TAB1: variants seen among roughly 807,000 people sequenced by gnomAD.
The protein encoded by TAB1 is TGF-beta activated kinase 1 (MAP3K7) binding protein 1, also known as TGF-beta-activated kinase 1 and MAP3K7-binding protein 1.
A neutral mutation model predicts 54.5 loss-of-function variants in TAB1; 30 were observed. That is an observed-to-expected ratio of 0.55 (90% CI 0.41 to 0.75). TAB1 has a LOEUF of 0.75. TAB1 is among the 30% of genes least tolerant of loss of function. The pLI is 0.00. For synonymous variants in TAB1, 289 were observed against 286.9 expected (o/e 1.01, Z -0.07); for missense variants, 609 against 683.2 (o/e 0.89, Z 1.21).
At chr22:39,413,661 A>G (rs145479935) in intron 1 of TAB1, among the ~76,000 whole-genome samples, 1 of 152,150 alleles carries the variant, frequency 6.6e-6, no homozygotes, top group Non-Finnish European at 1.5e-5. Context: ...CTGACATCAA[A>G]TGGTCCACCC....
intron 10 of TAB1, 28 bp from the exon 11 acceptor site, chr22:39,429,987 A>T (rs779703476): frequency 8.7e-6 from 14 of 1,609,954 alleles, no homozygotes; most frequent in Middle Eastern, 2.2e-4. Flanking sequence ...GCTGCTTCTG[A>T]TTGACTCCCT....
chr22:39,419,558 G>A lies in TAB1; in HGVS notation c.704G>A (p.Cys235Tyr). The A allele has an allele frequency of 1.2e-6, 2 of 1,613,134 alleles. No individual in the cohort carries two copies. Among genetic ancestry groups the A allele is most frequent in the South Asian group, 2.2e-5 (2 of 90,932 alleles). Residue 235 changes from cysteine (C) to tyrosine (Y), a missense_variant, in exon 7 of 11, where the codon TGT becomes TAT. Physicochemically the swap from Cys to Tyr is radical, Grantham distance 194. Transcript: ENST00000216160. Reference sequence around the variant, plus strand: ...AAGATCAAGCAGGTGGGGATCATCTGTGGGCAGGAGAGCACCCGGCGGATC... The same window carrying A: ...AAGATCAAGCAGGTGGGGATCATCTATGGGCAGGAGAGCACCCGGCGGATC... ...AGKIKQVGII[C>Y]GQESTRRIGD...
In TAB1 at chr22:39,399,820, G is replaced by C. The variant is rs766965721; in HGVS notation, c.18G>C (p.Arg6Ser). The change falls in exon 1 of 11, where the codon AGG becomes AGC. Residue 6 changes from arginine (R) to serine (S), a missense_variant. Physicochemically the swap from Arg to Ser is moderately radical, Grantham distance 110. Transcript: ENST00000216160. MAAQRRSLLQSEQQPS... is the reference protein window; with the variant it reads MAAQRSSLLQSEQQPS... ...CCTCCAAGATGGCGGCGCAGAGGAG[G>C]AGCTTGCTGCAGAGTGTGAGGAACA... 5.0e-6 allele frequency: 8 copies of C among 1,597,698 alleles called. No homozygotes were observed. The highest frequency in any genetic ancestry group is 6.8e-6 in the Non-Finnish European group (8 of 1,172,662).
At position 39,430,978 on chromosome 22, in the gene TAB1, A is replaced by T. The variant is rs1316129322; in HGVS notation, c.*756A>T. The T allele has an allele frequency of 2.0e-6, 2 of 986,630 alleles. No individual in the cohort carries two copies. Among genetic ancestry groups the T allele is most frequent in the East Asian group, 2.3e-4 (2 of 8,836 alleles). The allele number at this position is 986,630 out of a possible 1,614,324, so 61.1% of individuals were successfully genotyped here. A position where few individuals can be genotyped will look rare whatever the true frequency, so the allele number is the denominator to read the frequency against. On this transcript the variant is annotated 3_prime_UTR_variant, in exon 11 of 11. Transcript: ENST00000216160. ...GGCTGAGGCAGGGGCCGCTGTCGTC[A>T]GGCCTGAGCCAGGGTGAGCTGGTGC...
At chr22:39,403,371 G>C (rs1248841899) in intron 1 of TAB1, among the ~76,000 whole-genome samples, 1 of 152,318 alleles carries the variant, frequency 6.6e-6, no homozygotes, top group East Asian at 1.9e-4. Context: ...AGATGAAAAC[G>C]GGGAAATGGG....
At chr22:39,418,087 T>C (rs1036667907) in intron 5 of TAB1, among the ~76,000 whole-genome samples, 3 of 152,088 alleles carry the variant, frequency 2.0e-5, no homozygotes, top group African/African-American at 7.2e-5. Context: ...CTTAACTCAT[T>C]CTGGACGAGT....
chr22:39,426,909 A>C lies in TAB1; in HGVS notation c.1128A>C (p.Thr376=). 2 of 1,611,816 alleles carry C rather than the reference A, an allele frequency of 1.2e-6. No homozygotes were observed. The highest frequency in any genetic ancestry group is 1.7e-6 in the Non-Finnish European group (2 of 1,179,832). The change falls in exon 9 of 11, where the codon ACA becomes ACC. Residue 376 remains threonine (T), a synonymous_variant. Transcript: ENST00000216160. The part of the protein sequence containing the change: ...GYPLGEMSQP[T]PSPAPAAGGR... Reference sequence around the variant, plus strand: ...CGCTGGGCGAAATGAGCCAGCCCACACCGAGCCCAGCCCCAGGTACGTGTG... The same window carrying C: ...CGCTGGGCGAAATGAGCCAGCCCACCCCGAGCCCAGCCCCAGGTACGTGTG...
At chr22:39,425,411 C>T (rs1927277709) in intron 8 of TAB1, among the ~76,000 whole-genome samples, 2 of 151,754 alleles carry the variant, frequency 1.3e-5, no homozygotes, top group African/African-American at 4.8e-5. Flanking sequence ...TGGGATTCAA[C>T]ATTTTCTTAT....
chr22:39,436,098 C>A (rs966565526), downstream of TAB1, among the ~76,000 whole-genome samples: 1 of 152,178 alleles, frequency 6.6e-6, no homozygotes, highest in Admixed American at 6.5e-5. Context: ...TTGAGACCAG[C>A]CTGGCCAACA....
At chr22:39,432,688 T>G, downstream of TAB1, 2 of 938,380 alleles carry the variant, frequency 2.1e-6, no homozygotes, top group Non-Finnish European at 2.5e-6. Flanking sequence ...CACAGACAGG[T>G]TCAGGCACAG....
intron 1 of TAB1, among the ~76,000 whole-genome samples, chr22:39,412,892 C>T (rs1178481353): frequency 5.5e-5 from 5 of 90,468 alleles, no homozygotes; most frequent in South Asian, 4.5e-4. Context: ...TATCCTGCAA[C>T]TTTTTTTTTT....
chr22:39,435,875 G>C (rs554771042), downstream of TAB1, among the ~76,000 whole-genome samples: 7 of 152,286 alleles, frequency 4.6e-5, no homozygotes, highest in South Asian at 4.1e-4. Flanking sequence ...TTCCTGACCT[G>C]GTGCTTCTGT....
chr22:39,432,011 C>A, downstream of TAB1: 1 of 401,040 alleles, frequency 2.5e-6, no homozygotes, highest in Non-Finnish European at 3.4e-6. Context: ...GGGATTTGAA[C>A]CCAGGCCTTC....
rs987705709 is a variant in TAB1 at position 39,431,822 on chromosome 22, G to T, written c.*1600G>T. On this transcript the variant is annotated 3_prime_UTR_variant, in exon 11 of 11. Transcript: ENST00000216160. Reference sequence around the variant, plus strand: ...GGTGCTGTTTGGTCTCTAGAAACAGGGTCACTTTTTTAATGTAGTAAAGAA... The same window carrying T: ...GGTGCTGTTTGGTCTCTAGAAACAGTGTCACTTTTTTAATGTAGTAAAGAA... 14 of 985,284 alleles carry T rather than the reference G, an allele frequency of 1.4e-5. No homozygotes were observed. The highest frequency in any genetic ancestry group is 1.7e-5 in the Non-Finnish European group (14 of 829,938). The allele number at this position is 985,284 out of a possible 1,614,324, so 61.0% of individuals were successfully genotyped here. A position where few individuals can be genotyped will look rare whatever the true frequency, so the allele number is the denominator to read the frequency against.
At position 39,431,436 on chromosome 22, in the gene TAB1, C is replaced by G. The variant is rs1310221066; in HGVS notation, c.*1214C>G. ...GCCATTTTGTCAGTATCCAGGACCCCCCGGATTCTCCACGCCCTCCCCATC... is the reference window on the plus strand; with the variant it reads ...GCCATTTTGTCAGTATCCAGGACCCGCCGGATTCTCCACGCCCTCCCCATC... On this transcript the variant is annotated 3_prime_UTR_variant, in exon 11 of 11. Transcript: ENST00000216160. The G allele has an allele frequency of 5.1e-6, 5 of 985,530 alleles. No homozygotes were observed. Among genetic ancestry groups the G allele is most frequent in the Non-Finnish European group, 4.8e-6 (4 of 830,094 alleles). The allele number at this position is 985,530 out of a possible 1,614,324, so 61.0% of individuals were successfully genotyped here. A position where few individuals can be genotyped will look rare whatever the true frequency, so the allele number is the denominator to read the frequency against.
At chr22:39,420,308 G>T (rs1898266249) in intron 7 of TAB1, among the ~76,000 whole-genome samples, 1 of 152,236 alleles carries the variant, frequency 6.6e-6, no homozygotes, top group Admixed American at 6.5e-5. Context: ...GGAGACATCA[G>T]GCAGCCCACC....
intron 9 of TAB1, among the ~76,000 whole-genome samples, chr22:39,427,340 A>G (rs1162273064): frequency 6.6e-6 from 1 of 152,236 alleles, no homozygotes; most frequent in African/African-American, 2.4e-5. Flanking sequence ...CTGAAGAATG[A>G]AGGGACCTGG....
intron 1 of TAB1, among the ~76,000 whole-genome samples, chr22:39,406,253 G>T (rs1177925941): frequency 6.6e-6 from 1 of 152,082 alleles, no homozygotes; most frequent in Admixed American, 6.6e-5. Context: ...CAAAAAATTA[G>T]CCGGGCATGG....
chr22:39,420,456 TG>T (rs574370213), intron 7 of TAB1, among the ~76,000 whole-genome samples: 23 of 152,326 alleles, frequency 1.5e-4, no homozygotes, highest in African/African-American at 5.3e-4. Flanking sequence ...TTTAATGTCA[TG>T]GCCAAGGCTG....
Sources: gnomAD v4.1 joint callset for allele counts (sites outside exome capture counted in the v4.1 genomes callset) on GRCh38, gnomAD v4.1.1 for gene constraint, MANE v1.5 for transcripts, NCBI Gene and HGNC (gene_info 2026-07-23, HGNC 2026-07-21) for gene names.